Variants in PHACTR3 observed in about 807,000 individuals in gnomAD.
PHACTR3 encodes the protein protein phosphatase 1, regulatory subunit 123.
In PHACTR3, 16 loss-of-function variants were observed where a neutral mutation model predicts 66.8. The observed-to-expected ratio is 0.24, with a 90% CI of 0.16 to 0.36. PHACTR3 has a LOEUF of 0.36. Ranked by LOEUF, PHACTR3 falls within the 10% of genes least tolerant of loss-of-function variation. PHACTR3 has a pLI of 1.00. For missense variants in PHACTR3, 647 were observed against 719.9 expected, an observed-to-expected ratio of 0.90 and a Z score of 1.16; for synonymous variants, 323 against 292.1, an observed-to-expected ratio of 1.11 and a Z score of -1.08.
chr20:59,754,589 G>T (rs568989002), intron 3 of PHACTR3, among the ~76,000 whole-genome samples: 1 of 152,366 alleles, frequency 6.6e-6, no homozygotes, highest in African/African-American at 2.4e-5. Flanking sequence ...AACGGTGGGT[G>T]CAGAGGTGAG....
At chr20:59,622,958 T>A (rs1349368186) in intron 1 of PHACTR3, among the ~76,000 whole-genome samples, 1 of 59,200 alleles carries the variant, frequency 1.7e-5, no homozygotes, top group African/African-American at 5.6e-5. Context: ...CTACAAGGAT[T>A]CTAATTTTAC....
chr20:59,735,970 T>C (rs1055080747), intron 1 of PHACTR3, among the ~76,000 whole-genome samples: 1 of 152,034 alleles, frequency 6.6e-6, no homozygotes, highest in Non-Finnish European at 1.5e-5. Context: ...CATAGCTCTG[T>C]GTGGCTGTTG....
At chr20:59,737,832 GGAGTGAGT>G (rs542487884) in intron 1 of PHACTR3, among the ~76,000 whole-genome samples, 64 of 152,202 alleles carry the variant, frequency 4.2e-4, no homozygotes, top group Middle Eastern at 3.4e-3. Flanking sequence ...GTTGAAAGGT[GGAGTGAGT>G]GAGTGAGTGA....
intron 1 of PHACTR3, among the ~76,000 whole-genome samples, chr20:59,716,817 A>G (rs1456939021): frequency 3.3e-5 from 5 of 152,212 alleles, no homozygotes; most frequent in Non-Finnish European, 5.9e-5. Flanking sequence ...GCCCAATGCA[A>G]AACCAGGCAC....
chr20:59,799,522 G>A (rs896488990), intron 7 of PHACTR3, among the ~76,000 whole-genome samples: 3 of 152,044 alleles, frequency 2.0e-5, no homozygotes, highest in African/African-American at 4.8e-5. Flanking sequence ...ACCATTATAA[G>A]ATGACCCTTT....
At position 59,773,273 on chromosome 20, in the gene PHACTR3, C is replaced by A; in HGVS notation, c.752-6C>A. ...TATGTTCTTGCTGCTTCCTCCCACACCCCAGGCCAAGCCACACTCTTCCAA... is the reference window on the plus strand; with the variant it reads ...TATGTTCTTGCTGCTTCCTCCCACAACCCAGGCCAAGCCACACTCTTCCAA... On this transcript the variant is annotated splice_polypyrimidine_tract_variant and splice_region_variant and intron_variant, in intron 5 of 12. Transcript: ENST00000371015. 3.1e-6 allele frequency: 5 copies of A among 1,612,232 alleles called. No individual in the cohort carries two copies. Among genetic ancestry groups the A allele is most frequent in the Non-Finnish European group, 3.4e-6 (4 of 1,178,982 alleles).
intron 1 of PHACTR3, among the ~76,000 whole-genome samples, chr20:59,690,165 G>A (rs758127838): frequency 3.3e-5 from 5 of 152,156 alleles, no homozygotes; most frequent in Non-Finnish European, 5.9e-5. Flanking sequence ...GCCTCATGAT[G>A]GCATGATTCT....
In PHACTR3 at chr20:59,710,486, C is replaced by T. The variant is rs56923524; in HGVS notation, c.119-32621C>T. On this transcript the variant is annotated intron_variant, in intron 1 of 12. Coordinates refer to ENST00000371015, the MANE Select transcript of PHACTR3 (RefSeq NM_080672.5). ...ACCAGCAAAATGGGGACCACAGCAG[C>T]GAGTTCACTGGCTAGGCCCTTTAAA... Among the ~76,000 whole-genome samples, 665 of 152,258 alleles carry T rather than the reference C, an allele frequency of 4.4e-3. 4 individuals carry two copies. Among genetic ancestry groups the T allele is most frequent in the African/African-American group, 0.015 (612 of 41,564 alleles).
intron 1 of PHACTR3, among the ~76,000 whole-genome samples, chr20:59,591,701 C>G (rs1400295014): frequency 1.3e-5 from 2 of 152,240 alleles, no homozygotes; most frequent in East Asian, 3.9e-4. Context: ...CTGCAAAGCT[C>G]TCCAGACCCT....
intron 1 of PHACTR3, among the ~76,000 whole-genome samples, chr20:59,648,097 C>A (rs868018122): frequency 1.3e-5 from 2 of 152,202 alleles, no homozygotes; most frequent in Non-Finnish European, 2.9e-5. Flanking sequence ...ACTGGCTTCA[C>A]CATCAAAGGT....
intron 7 of PHACTR3, among the ~76,000 whole-genome samples, chr20:59,781,055 G>C (rs942557769): frequency 2.0e-5 from 3 of 152,210 alleles, no homozygotes; most frequent in African/African-American, 7.2e-5. Context: ...GCAAAGTTTA[G>C]CTCCCAGTTT....
intron 1 of PHACTR3, among the ~76,000 whole-genome samples, chr20:59,699,662 T>C (rs1400119637): frequency 2.6e-5 from 4 of 152,132 alleles, no homozygotes; most frequent in East Asian, 3.9e-4. Flanking sequence ...ATCACCTTTA[T>C]TGGATAGTGA....
intron 1 of PHACTR3, among the ~76,000 whole-genome samples, chr20:59,663,055 T>C (rs2035867326): frequency 1.3e-5 from 2 of 152,222 alleles, no homozygotes; most frequent in African/African-American, 2.4e-5. Context: ...TGGGCCTCTC[T>C]AGCGTCTGGG....
chr20:59,630,608 A>C (rs747673337), intron 1 of PHACTR3, among the ~76,000 whole-genome samples: 2 of 152,254 alleles, frequency 1.3e-5, no homozygotes, highest in African/African-American at 2.4e-5. Context: ...AGCAACATCC[A>C]TAAGAGTGGT....
intron 9 of PHACTR3, among the ~76,000 whole-genome samples, chr20:59,837,930 C>T (rs1269679227): frequency 6.6e-6 from 1 of 152,216 alleles, no homozygotes; most frequent in Non-Finnish European, 1.5e-5. Context: ...GTCTTCCCAT[C>T]AGCAAGTACT....
chr20:59,701,116 G>A (rs764990790), intron 1 of PHACTR3, among the ~76,000 whole-genome samples: 8 of 152,154 alleles, frequency 5.3e-5, no homozygotes, highest in Non-Finnish European at 1.2e-4. Flanking sequence ...TAACAGGAAT[G>A]TCCAAGCCAT....
intron 1 of PHACTR3, among the ~76,000 whole-genome samples, chr20:59,674,567 C>T (rs1449077200): frequency 1.7e-5 from 1 of 58,352 alleles, no homozygotes; most frequent in Admixed American, 1.7e-4. Flanking sequence ...TCCTATTCCC[C>T]GCTTCTCCTG....
chr20:59,589,630 G>C (rs1289341525), intron 1 of PHACTR3, among the ~76,000 whole-genome samples: 1 of 152,306 alleles, frequency 6.6e-6, no homozygotes. Context: ...TGGTGAGTCC[G>C]TAAGCCCAGC....
intron 1 of PHACTR3, among the ~76,000 whole-genome samples, chr20:59,716,573 C>A (rs2038099787): frequency 6.6e-6 from 1 of 152,114 alleles, no homozygotes; most frequent in Non-Finnish European, 1.5e-5. Context: ...GAGTCCTGCT[C>A]ATTATTAATG....
Sources: allele counts gnomAD v4.1 joint callset (sites outside exome capture counted in the v4.1 genomes callset), GRCh38; gene constraint gnomAD v4.1.1; transcripts MANE v1.5; gene names NCBI Gene and HGNC (gene_info 2026-07-23, HGNC 2026-07-21).